The following TCTN1 variants were observed in gnomAD, a reference collection of about 807,000 sequenced individuals.
TCTN1 encodes the protein tectonic-1.
In TCTN1, 58 loss-of-function variants were observed where a neutral mutation model predicts 65.8. The observed-to-expected ratio is 0.88, with a 90% confidence interval of 0.71 to 1.10. TCTN1 has a LOEUF of 1.10. Among genes scored for constraint, TCTN1 ranks in the 50% least tolerant of loss-of-function variants. TCTN1 has a pLI of 0.00. For synonymous variants in TCTN1, 273 were observed against 289.1 expected, an observed-to-expected ratio of 0.94 and a Z score of 0.57; for missense variants, 645 against 719.4, an observed-to-expected ratio of 0.90 and a Z score of 1.18.
intron 7 of TCTN1, among the ~76,000 whole-genome samples, chr12:110,636,831 G>T (rs1049111620): frequency 1.3e-5 from 2 of 152,238 alleles, no homozygotes; most frequent in African/African-American, 2.4e-5. Flanking sequence ...TAAGAAAGCT[G>T]TCCAGCTCCC....
In TCTN1 at chr12:110,640,250, T is replaced by C. The variant is rs2066861462; in HGVS notation, c.844-133T>C. ...ACTTTTGCAAATGTGGATCATAGTA[T>C]ATACACTGTTGTGTAGCATGCTTCC... On this transcript the variant is annotated intron_variant, in intron 7 of 14. Coordinates refer to ENST00000397659, the MANE Select transcript of TCTN1 (RefSeq NM_001082538.3). This position sits in a 1 kb window ranked among gnomAD's most constrained non-coding sequence, Gnocchi z 4.9. 2.0e-6 allele frequency: 2 copies of C among 1,006,036 alleles called. No homozygotes were observed. The highest frequency in any genetic ancestry group is 1.4e-5 in the South Asian group (1 of 73,726). The allele number at this position is 1,006,036 out of a possible 1,614,324, so 62.3% of individuals were successfully genotyped here. A position where few individuals can be genotyped will look rare whatever the true frequency, so the allele number is the denominator to read the frequency against.
intron 1 of TCTN1, among the ~76,000 whole-genome samples, chr12:110,618,390 G>C (rs1012011558): frequency 6.6e-6 from 1 of 152,026 alleles, no homozygotes; most frequent in African/African-American, 2.4e-5. Context: ...ACAGGTGCCC[G>C]CCACCACACC....
chr12:110,648,027 A>T, intron 14 of TCTN1, 134 bp downstream of exon 14: 1 of 1,360,968 alleles, frequency 7.3e-7, no homozygotes, highest in Non-Finnish European at 1.0e-6. Flanking sequence ...GCTGGAGTGC[A>T]GTGGTGTGAT....
At chr12:110,614,494 AT>A (rs2064898087) in intron 1 of TCTN1, 92 bp downstream of exon 1, 1 of 1,543,424 alleles carries the variant, frequency 6.5e-7, no homozygotes, top group Non-Finnish European at 8.7e-7. Flanking sequence ...GCTAACTCTT[AT>A]TGAGCACTTA....
At chr12:110,635,659 A>C (rs1322980691) in intron 6 of TCTN1, 1 of 152,258 alleles carries the variant, frequency 6.6e-6, no homozygotes, top group African/African-American at 2.4e-5. Context: ...AAAACAAAAC[A>C]ACTGCCCCGC....
intron 6 of TCTN1, chr12:110,636,212 C>T: frequency 2.3e-6 from 1 of 428,082 alleles, no homozygotes; most frequent in South Asian, 2.2e-5. Flanking sequence ...CAATAATGAC[C>T]CTGGAGCATG....
Position 110,642,395 on chromosome 12 carries a change from A to G in TCTN1, c.1331+6A>G, listed in dbSNP as rs200221373. 6.2e-7 allele frequency: 1 copy of G among 1,614,214 alleles called. No homozygotes were observed. The highest frequency in any genetic ancestry group is 8.5e-7 in the Non-Finnish European group (1 of 1,180,024). ...CAATCTGGCTGTAAACTAAGGTAAA[A>G]GAGTCACTTGTTTCTGTTTGAACTT... On this transcript the variant is annotated splice_donor_region_variant and intron_variant, in intron 11 of 14. Transcript: ENST00000397659.
Position 110,647,503 on chromosome 12 carries a change from T to C in TCTN1, c.1635+167T>C, listed in dbSNP as rs1566014606. 1.1e-5 allele frequency: 11 copies of C among 1,029,124 alleles called. 1 individual carries two copies. In the South Asian group the frequency reaches 1.2e-4, roughly 11 times the overall value. The allele number at this position is 1,029,124 out of a possible 1,614,324, so 63.7% of individuals were successfully genotyped here. On this transcript the variant is annotated intron_variant, in intron 13 of 14. Coordinates refer to ENST00000397659, the MANE Select transcript of TCTN1 (RefSeq NM_001082538.3). ...TAGAAACACTGACGATGGTTCTACT[T>C]ACATTAGCATTCTGGTTCAGATTGG...
chr12:110,639,582 G>C lies in TCTN1; in HGVS notation c.844-801G>C, dbSNP rs1245456532. On this transcript the variant is annotated intron_variant, in intron 7 of 14. Coordinates refer to ENST00000397659, the MANE Select transcript of TCTN1 (RefSeq NM_001082538.3). The surrounding 1 kb of genome is among the most constrained non-coding windows in gnomAD (Gnocchi z 4.9). Reference sequence around the variant, plus strand: ...CCTGGGACTGCATGTGAATGTGCATGTGTGGGTATGGAGTGTGTAGGAGTT... The same window carrying C: ...CCTGGGACTGCATGTGAATGTGCATCTGTGGGTATGGAGTGTGTAGGAGTT... Among the ~76,000 whole-genome samples, 1 of 152,162 alleles carries C rather than the reference G, an allele frequency of 6.6e-6. No individual in the cohort carries two copies. Among genetic ancestry groups the C allele is most frequent in the Non-Finnish European group, 1.5e-5 (1 of 68,052 alleles).
chr12:110,641,937 C>T, intron 10 of TCTN1: 1 of 543,994 alleles, frequency 1.8e-6, no homozygotes, highest in Non-Finnish European at 3.3e-6. Context: ...CAACGAAAAT[C>T]TTAAGAGAGA....
chr12:110,626,200 C>T (rs1425286310), intron 2 of TCTN1, among the ~76,000 whole-genome samples, 162 bp from the exon 3 acceptor site: 4 of 150,282 alleles, frequency 2.7e-5, no homozygotes, highest in Non-Finnish European at 3.0e-5. Context: ...GCCATTCTCC[C>T]GCCTCAGCCT....
intron 2 of TCTN1, among the ~76,000 whole-genome samples, chr12:110,620,282 C>A (rs2065330137): frequency 6.6e-6 from 1 of 152,028 alleles, no homozygotes; most frequent in Admixed American, 6.6e-5. Flanking sequence ...TTGGCGGGCA[C>A]CTGTGGTCCC....
chr12:110,616,215 C>T (rs1203129875), intron 1 of TCTN1: 2 of 428,298 alleles, frequency 4.7e-6, no homozygotes, highest in South Asian at 1.7e-5. Context: ...GGCTGTTTTT[C>T]CAGTATAGGG....
chr12:110,642,452 T>G, intron 11 of TCTN1, 63 bp downstream of exon 11: 1 of 1,612,616 alleles, frequency 6.2e-7, no homozygotes, highest in Non-Finnish European at 8.5e-7. Context: ...ATTCTCACTT[T>G]TCCCCATTTT....
intron 11 of TCTN1, among the ~76,000 whole-genome samples, 188 bp downstream of exon 11, chr12:110,642,577 C>T (rs956658197): frequency 6.6e-5 from 10 of 152,134 alleles, no homozygotes; most frequent in African/African-American, 2.2e-4. Context: ...TACGGCAAAG[C>T]AAAAATTTCA....
At chr12:110,648,857 T>A (rs2067616929) in intron 14 of TCTN1, 186 bp from the exon 15 acceptor site, 3 of 372,654 alleles carry the variant, frequency 8.1e-6, no homozygotes, top group South Asian at 6.1e-5. Flanking sequence ...TGAGGAAAAA[T>A]GTTGTCAGGT....
chr12:110,628,014 C>T, intron 3 of TCTN1: 1 of 1,533,532 alleles, frequency 6.5e-7, no homozygotes, highest in Non-Finnish European at 8.7e-7. Context: ...GCCCAGTGAA[C>T]ATGCCAGCCT....
intron 2 of TCTN1, among the ~76,000 whole-genome samples, chr12:110,625,287 A>G (rs1266056992): frequency 6.6e-6 from 1 of 152,200 alleles, no homozygotes; most frequent in East Asian, 1.9e-4. Flanking sequence ...TTAAATGCCA[A>G]GCTTTTTCTT....
chr12:110,619,679 T>C (rs1277526932), intron 1 of TCTN1, among the ~76,000 whole-genome samples, 157 bp from the exon 2 acceptor site: 1 of 152,186 alleles, frequency 6.6e-6, no homozygotes, highest in Non-Finnish European at 1.5e-5. Flanking sequence ...ATGCTCAAAC[T>C]GACTCATTTC....
Sources: gnomAD v4.1 joint callset for allele counts (sites outside exome capture counted in the v4.1 genomes callset) on GRCh38, gnomAD v4.1.1 for gene constraint, Gnocchi (gnomAD v3.1) non-coding constraint, MANE v1.5 for transcripts, NCBI Gene and HGNC (gene_info 2026-07-23, HGNC 2026-07-21) for gene names.